TLN1: variants seen among roughly 807,000 people sequenced by gnomAD.
TLN1 encodes the protein talin-1.
Under a neutral mutation model 292.3 loss-of-function variants are expected in TLN1, and 56 were observed. The ratio of observed to expected loss-of-function variants is 0.19; its 90% CI spans 0.15 to 0.24. The LOEUF is 0.24. TLN1 is among the 10% of genes least tolerant of loss of function. TLN1 has a pLI of 1.00. For synonymous variants in TLN1, 1,119 were observed against 1,253.7 expected (o/e 0.89, Z 2.27); for missense variants, 2,433 against 3,248.2 (o/e 0.75, Z 6.10).
chr9:35,703,932 G>C (rs770345677), intron 46 of TLN1, 32 bp from the exon 47 acceptor site: 2 of 1,613,818 alleles, frequency 1.2e-6, no homozygotes, highest in Non-Finnish European at 1.7e-6. Context: ...CTGGTCTATG[G>C]GAGGAAGAAG....
In TLN1 at chr9:35,698,062, C is replaced by T; in HGVS notation, c.7482G>A (p.Met2494Ile). ...AGCTCACCTGGGCAATGCCGCCAAC[C>T]ATCTTCTCTTTCACCACCACTGTCT... ...ENETVVVKEK[M>I]VGGIAQIIAA... Residue 2494 changes from methionine to isoleucine, a missense_variant, in exon 56 of 57, where the codon ATG (methionine) becomes ATA (isoleucine). By Grantham distance (10) the Met-to-Ile change is conservative. Transcript: ENST00000314888. The surrounding 1 kb of genome is among the most constrained non-coding windows in gnomAD (Gnocchi z 5.3). 6.2e-7 allele frequency: 1 copy of T among 1,614,176 alleles called. No individual in the cohort carries two copies. The highest frequency in any genetic ancestry group is 1.7e-5 in the Admixed American group (1 of 60,024).
In TLN1 at chr9:35,714,631, C is replaced by T. The variant is rs749970598; in HGVS notation, c.2928G>A (p.Gln976=). 2 of 1,613,626 alleles carry T rather than the reference C, an allele frequency of 1.2e-6. No individual in the cohort carries two copies. The highest frequency in any genetic ancestry group is 1.7e-6 in the Non-Finnish European group (2 of 1,180,026). ...CAAGCTGAGCGCTGGGGCTGTCAGG[C>T]TGGGCTTGGCTTCCTCGGACGCCCT... The part of the protein sequence containing the change: ...LVQGVRGSQA[Q]PDSPSAQLAL... The change falls in exon 23 of 57, where the codon CAG becomes CAA. Residue 976 remains glutamine (Q), a synonymous_variant. Transcript: ENST00000314888. This position sits in a 1 kb window ranked among gnomAD's most constrained non-coding sequence, Gnocchi z 4.6.
At position 35,717,317 on chromosome 9, in the gene TLN1, GTTGCCCATC is replaced by G. The variant is rs2131899317; in HGVS notation, c.2278_2286del (p.Asp760_Gln762del). ...GCTGCTGCTCCTACCCCTCGCAACA[GTTGCCCATC>G]CTCTGTAGCTGCCTGGGAGGCAGAC... On this transcript the variant is annotated inframe_deletion, in exon 19 of 57. Coordinates refer to ENST00000314888, the MANE Select transcript of TLN1 (RefSeq NM_006289.4). This position sits in a 1 kb window ranked among gnomAD's most constrained non-coding sequence, Gnocchi z 4.7. 1 of 1,614,172 alleles carries G rather than the reference GTTGCCCATC, an allele frequency of 6.2e-7. No individual in the cohort carries two copies. Among genetic ancestry groups the G allele is most frequent in the South Asian group, 1.1e-5 (1 of 91,082 alleles).
chr9:35,704,110 C>A lies in TLN1; in HGVS notation c.6112G>T (p.Ala2038Ser). 6.2e-7 allele frequency: 1 copy of A among 1,613,504 alleles called. No homozygotes were observed. The highest frequency in any genetic ancestry group is 8.5e-7 in the Non-Finnish European group (1 of 1,179,798). Reference sequence around the variant, plus strand: ...TGCGCCAACTTCTCCTGGCTCCCAGCTGCGTTTTGCACCAGGACCTTGGTG... The same window carrying A: ...TGCGCCAACTTCTCCTGGCTCCCAGATGCGTTTTGCACCAGGACCTTGGTG... Reference protein sequence around the residue: ...EDTKVLVQNAAGSQEKLAQAA... With the variant: ...EDTKVLVQNASGSQEKLAQAA... The change falls in exon 46 of 57, where the codon GCT becomes TCT. Residue 2038 changes from alanine to serine, a missense_variant. By Grantham distance (99) the Ala-to-Ser change is moderately conservative (BLOSUM62 1). Coordinates refer to ENST00000314888, the MANE Select transcript of TLN1 (RefSeq NM_006289.4). The surrounding 1 kb of genome is among the most constrained non-coding windows in gnomAD (Gnocchi z 6.9).
chr9:35,724,832 A>G lies in TLN1; in HGVS notation c.356T>C (p.Ile119Thr), dbSNP rs746012205. 6.2e-7 allele frequency: 1 copy of G among 1,614,084 alleles called. No individual in the cohort carries two copies. The highest frequency in any genetic ancestry group is 1.7e-5 in the Admixed American group (1 of 60,012). ...TCAACTGTACTAGGGCCCCTTACCAATGCGGGCACAGATGGTCATGAGCAT... is the reference window on the plus strand; with the variant it reads ...TCAACTGTACTAGGGCCCCTTACCAGTGCGGGCACAGATGGTCATGAGCAT... ...TDMLMTICAR[I>T]GITNHDEYSL... Residue 119 changes from isoleucine to threonine, a missense_variant and splice_region_variant, in exon 4 of 57, where the codon ATT becomes ACT. By Grantham distance (89) the Ile-to-Thr change is moderately conservative. This residue lies in a region of TLN1 where 155 missense variants were observed against 287.9 expected (regional missense o/e 0.54). Transcript: ENST00000314888. The surrounding 1 kb of genome is among the most constrained non-coding windows in gnomAD (Gnocchi z 4.7).
Position 35,705,601 on chromosome 9 carries a change from G to A in TLN1, c.5683C>T (p.Arg1895Cys), listed in dbSNP as rs760801956. ...LANQLTSDYG[R>C]LASEAKPAAV... ...GCAGGCTTGGCCTCCGAGGCCAGACGGCCATAGTCACTGGTCAGCTGGTTA... is the reference window on the plus strand; with the variant it reads ...GCAGGCTTGGCCTCCGAGGCCAGACAGCCATAGTCACTGGTCAGCTGGTTA... Residue 1895 changes from arginine (R) to cysteine (C), a missense_variant, in exon 43 of 57, where the codon CGT becomes TGT. Physicochemically the swap from Arg to Cys is radical, Grantham distance 180. Coordinates refer to ENST00000314888, the MANE Select transcript of TLN1 (RefSeq NM_006289.4). 1.9e-5 allele frequency: 30 copies of A among 1,605,570 alleles called. No individual in the cohort carries two copies. The highest frequency in any genetic ancestry group is 2.5e-5 in the Non-Finnish European group (29 of 1,173,424).
At chr9:35,713,812 G>A (rs1825723249) in intron 25 of TLN1, 141 bp downstream of exon 25, 4 of 864,372 alleles carry the variant, frequency 4.6e-6, no homozygotes, top group African/African-American at 1.7e-5. Context: ...AAAAAGGAAG[G>A]AAGAAGAAAG....
In TLN1 at chr9:35,707,533, G is replaced by C. The variant is rs182941217; in HGVS notation, c.4633-45C>G. The C allele has an allele frequency of 4.9e-5, 79 of 1,605,414 alleles. No homozygotes were observed. The East Asian group carries it at 1.7e-3, about 34-fold the overall frequency. On this transcript the variant is annotated intron_variant, in intron 35 of 56. Coordinates refer to ENST00000314888, the MANE Select transcript of TLN1 (RefSeq NM_006289.4). The surrounding 1 kb of genome is among the most constrained non-coding windows in gnomAD (Gnocchi z 5.6). The stretch of plus-strand genomic sequence containing the variant: ...TCTCAGGACTTGGGATGCAGTCATA[G>C]GGGGTATAGGAAGTGAAGTCCAGGT...
rs769936744 is a variant in TLN1 at position 35,713,241 on chromosome 9, C to T, written c.3307G>A (p.Ala1103Thr). 1.1e-5 allele frequency: 18 copies of T among 1,599,576 alleles called. No homozygotes were observed. In the East Asian group the frequency reaches 1.6e-4, roughly 14 times the overall value. ...TGGGCAACCTCTCCCAGTAGCTGGG[C>T]GATGGCTGAGCTCACGGCTTTGGTG... ...NSTKAVSSAI[A>T]QLLGEVAQGN... The change falls in exon 26 of 57, where the codon GCC becomes ACC. Residue 1103 changes from alanine to threonine, a missense_variant. By Grantham distance (58) the Ala-to-Thr change is moderately conservative (BLOSUM62 0). Coordinates refer to ENST00000314888, the MANE Select transcript of TLN1 (RefSeq NM_006289.4).
Position 35,706,487 on chromosome 9 carries a change from T to A in TLN1, c.5153A>T (p.Asn1718Ile). 1 of 1,614,068 alleles carries A rather than the reference T, an allele frequency of 6.2e-7. No homozygotes were observed. Among genetic ancestry groups the A allele is most frequent in the East Asian group, 2.2e-5 (1 of 44,866 alleles). ...CTGGGAGGCTTCAGCCCGGGCAGCATTGGCCAGCGGCTCAATGAGATGGGA... is the reference window on the plus strand; with the variant it reads ...CTGGGAGGCTTCAGCCCGGGCAGCAATGGCCAGCGGCTCAATGAGATGGGA... ...EISHLIEPLA[N>I]AARAEASQLG... Residue 1718 changes from asparagine (N) to isoleucine (I), a missense_variant, in exon 39 of 57, where the codon AAT becomes ATT. Transcript: ENST00000314888. The surrounding 1 kb of genome is among the most constrained non-coding windows in gnomAD (Gnocchi z 4.2).
Position 35,699,556 on chromosome 9 carries a change from C to G in TLN1, c.6769-95G>C, listed in dbSNP as rs550311375. ...CAGACCATGGCCCCCTCACCCCTAT[C>G]CCTAGAGCACTCCACACCATAGCCC... On this transcript the variant is annotated intron_variant, in intron 50 of 56. Transcript: ENST00000314888. The surrounding 1 kb of genome is among the most constrained non-coding windows in gnomAD (Gnocchi z 4.0). 1.5e-5 allele frequency: 22 copies of G among 1,472,972 alleles called. No individual in the cohort carries two copies. In the Admixed American group the frequency reaches 5.5e-4, roughly 37 times the overall value. 91.2% of individuals were successfully genotyped at this position (1,472,972 alleles called of 1,614,324 possible).
Position 35,717,102 on chromosome 9 carries a change from A to T in TLN1, c.2458+44T>A, listed in dbSNP as rs767453011. 1.9e-6 allele frequency: 3 copies of T among 1,552,516 alleles called. No homozygotes were observed. The African/African-American group carries it at 4.1e-5, about 21-fold the overall frequency. ...GGGATGATGTCCAGTGGGCTTAGGG[A>T]ACCCTGGTAGGGTTTTTTGTTTTCC... On this transcript the variant is annotated intron_variant, in intron 19 of 56. Coordinates refer to ENST00000314888, the MANE Select transcript of TLN1 (RefSeq NM_006289.4). The surrounding 1 kb of genome is among the most constrained non-coding windows in gnomAD (Gnocchi z 4.7).
chr9:35,710,453 G>A, intron 33 of TLN1, 108 bp downstream of exon 33: 1 of 1,467,002 alleles, frequency 6.8e-7, no homozygotes, highest in Non-Finnish European at 9.1e-7. Context: ...CCATAGAGTT[G>A]GCTTTGCAAA....
Position 35,713,059 on chromosome 9 carries a change from G to A in TLN1, c.3353-16C>T. ...GCTGCAATACCTTGGGAGATGAGGA[G>A]AAAGAGGGAAGGGAAGGTGCTTTCA... On this transcript the variant is annotated splice_polypyrimidine_tract_variant and intron_variant, in intron 26 of 56. Coordinates refer to ENST00000314888, the MANE Select transcript of TLN1 (RefSeq NM_006289.4). 1 of 1,590,080 alleles carries A rather than the reference G, an allele frequency of 6.3e-7. No homozygotes were observed. Among genetic ancestry groups the A allele is most frequent in the South Asian group, 1.1e-5 (1 of 89,510 alleles).
chr9:35,716,862 G>A (rs186446049), intron 19 of TLN1, among the ~76,000 whole-genome samples: 2 of 152,298 alleles, frequency 1.3e-5, no homozygotes, highest in Non-Finnish European at 2.9e-5. Context: ...GGTATAGTAG[G>A]GAAGGCTATA....
intron 33 of TLN1, among the ~76,000 whole-genome samples, chr9:35,709,466 T>A (rs1315973337): frequency 6.6e-6 from 1 of 152,192 alleles, no homozygotes; most frequent in Non-Finnish European, 1.5e-5. Context: ...CAGTTTGTTT[T>A]AAGGATTCAT....
intron 33 of TLN1, 145 bp downstream of exon 33, chr9:35,710,416 C>A: frequency 1.7e-6 from 2 of 1,155,752 alleles, no homozygotes; most frequent in Non-Finnish European, 2.4e-6. Context: ...CAAGTGTCTC[C>A]ACTTCAGGAG....
In TLN1 at chr9:35,698,132, A is replaced by C; in HGVS notation, c.7412T>G (p.Val2471Gly). 6.2e-7 allele frequency: 1 copy of C among 1,613,968 alleles called. No individual in the cohort carries two copies. Among genetic ancestry groups the C allele is most frequent in the East Asian group, 2.2e-5 (1 of 44,882 alleles). ...NAVKRASDNL[V>G]KAAQKAAAFE... is the part of the protein sequence containing the mutation. ...GGCTGCAGCCTTCTGTGCTGCTTTCACCAGATTATCTGAGGCTCGCTTCAC... is the reference window on the plus strand; with the variant it reads ...GGCTGCAGCCTTCTGTGCTGCTTTCCCCAGATTATCTGAGGCTCGCTTCAC... Residue 2471 changes from valine to glycine, a missense_variant, in exon 56 of 57, where the codon GTG becomes GGG. Val to Gly is a moderately radical substitution (Grantham distance 109, BLOSUM62 -3). Around this residue, in one of 7 missense-constraint regions of TLN1, gnomAD observed 141 missense variants for 248.5 expected, o/e 0.57. Transcript: ENST00000314888. This position sits in a 1 kb window ranked among gnomAD's most constrained non-coding sequence, Gnocchi z 5.3.
chr9:35,702,016 G>A (rs1472808688), intron 48 of TLN1, among the ~76,000 whole-genome samples: 5 of 152,168 alleles, frequency 3.3e-5, no homozygotes, highest in African/African-American at 4.8e-5. Flanking sequence ...GAGTGGCAGG[G>A]ACCAGAAGCA....
Sources: gnomAD v4.1 joint callset for allele counts (sites outside exome capture counted in the v4.1 genomes callset) on GRCh38, gnomAD v4.1.1 for gene constraint, gnomAD v4.1.1 regional missense constraint, Gnocchi (gnomAD v3.1) non-coding constraint, MANE v1.5 for transcripts, NCBI Gene and HGNC (gene_info 2026-07-23, HGNC 2026-07-21) for gene names.